The following CUX1 variants were observed in gnomAD, a reference collection of about 807,000 sequenced individuals.
The protein encoded by CUX1 is protein CASP.
CUX1 carries 31 observed loss-of-function variants against 158.8 expected under a neutral mutation model. That is an observed-to-expected ratio of 0.20 (90% confidence interval 0.15 to 0.26). The LOEUF (loss-of-function observed/expected upper bound fraction) is 0.26, where lower values mean the gene tolerates loss of function less well. Ranked by LOEUF, CUX1 falls within the 10% of genes least tolerant of loss-of-function variation. CUX1 has a pLI of 1.00. For missense variants in CUX1, 1,589 were observed against 2,014.6 expected (o/e 0.79, Z 4.04); for synonymous variants, 879 against 862.1 (o/e 1.02, Z -0.34).
intron 2 of CUX1, among the ~76,000 whole-genome samples, chr7:102,014,273 C>T (rs750940437): frequency 1.3e-5 from 2 of 152,140 alleles, no homozygotes; most frequent in Non-Finnish European, 1.5e-5. Flanking sequence ...AAGGGGTACT[C>T]GGTATGGCCA....
At position 102,201,025 on chromosome 7, in the gene CUX1, TAAAAAAAAAAAAAAA is replaced by T. The variant is rs78359248; in HGVS notation, c.2063-320_2063-306del. Among the ~76,000 whole-genome samples the T allele has an allele frequency of 4.0e-4, 17 of 42,142 alleles. No homozygotes were observed. Among genetic ancestry groups the T allele is most frequent in the East Asian group, 8.1e-4 (1 of 1,238 alleles). The allele number at this position is 42,142 out of a possible 152,430, so 27.6% of individuals were successfully genotyped here. ...CTGGACAACAGCGAGATCCTGTCGC[TAAAAAAAAAAAAAAA>T]AAAAAAAAAAAAAATTCTCGGGGAA... On this transcript the variant is annotated intron_variant, in intron 17 of 23. Transcript: ENST00000292535. This position sits in a 1 kb window ranked among gnomAD's most constrained non-coding sequence, Gnocchi z 5.0.
At chr7:102,173,092 G>A (rs1791911262) in intron 10 of CUX1, among the ~76,000 whole-genome samples, 1 of 152,124 alleles carries the variant, frequency 6.6e-6, no homozygotes, top group Non-Finnish European at 1.5e-5. Flanking sequence ...GGGTGTGGTG[G>A]CACACACCTG....
intron 1 of CUX1, among the ~76,000 whole-genome samples, chr7:101,852,660 C>T (rs1418725894): frequency 4.3e-5 from 6 of 139,916 alleles, no homozygotes; most frequent in South Asian, 2.3e-4. Context: ...CTGTTCTCTG[C>T]GTTGGAATTT....
rs558870872 is a variant in CUX1, at chr7:101,843,041, A to AT, written c.30+25378dup. Among the ~76,000 whole-genome samples the AT allele has an allele frequency of 5.9e-3, 890 of 150,854 alleles. 5 individuals are homozygous for AT. The highest frequency in any genetic ancestry group is 8.2e-3 in the Non-Finnish European group (558 of 67,694). Reference sequence around the variant, plus strand: ...CCACCACACCCAGCTAATTTTTTGTATTTTTTAGTACAGACGGAGTTTCAC... The same window carrying AT: ...CCACCACACCCAGCTAATTTTTTGTATTTTTTTAGTACAGACGGAGTTTCAC... On this transcript the variant is annotated intron_variant, in intron 1 of 23. Transcript: ENST00000292535.
intron 2 of CUX1, among the ~76,000 whole-genome samples, chr7:101,933,324 A>G (rs1563027733): frequency 6.6e-6 from 1 of 152,220 alleles, no homozygotes; most frequent in Non-Finnish European, 1.5e-5. Context: ...GAGTTTAAAA[A>G]AAATACAGAG....
chr7:101,976,957 G>C (rs1248938032), intron 2 of CUX1, among the ~76,000 whole-genome samples: 1 of 94,170 alleles, frequency 1.1e-5, no homozygotes, highest in Non-Finnish European at 2.0e-5. Context: ...TTGTTACCCA[G>C]GCTGGAGTGT....
rs955730658 is a variant in CUX1, at chr7:101,916,737, C to G, written c.141+512C>G. The G allele has an allele frequency of 2.6e-5, 4 of 154,452 alleles. No individual in the cohort carries two copies. Among genetic ancestry groups the G allele is most frequent in the African/African-American group, 7.2e-5 (3 of 41,464 alleles). 9.6% of individuals were successfully genotyped at this position (154,452 alleles called of 1,614,324 possible). On this transcript the variant is annotated intron_variant, in intron 2 of 23. Coordinates refer to ENST00000292535, the MANE Select transcript of CUX1 (RefSeq NM_181552.4). This position sits in a 1 kb window ranked among gnomAD's most constrained non-coding sequence, Gnocchi z 4.4. ...CCTGCTAGGCCTTTTAAATGCCTCT[C>G]TGTTTCTTGAAATATGCCGTAAAGG...
chr7:102,088,167 T>A (rs781783900), intron 4 of CUX1, among the ~76,000 whole-genome samples: 1 of 152,098 alleles, frequency 6.6e-6, no homozygotes, highest in Non-Finnish European at 1.5e-5. Flanking sequence ...CTGGCTAATT[T>A]TTGTATTTTT....
chr7:102,041,815 A>C (rs1822143381), intron 3 of CUX1, among the ~76,000 whole-genome samples: 1 of 151,750 alleles, frequency 6.6e-6, no homozygotes, highest in African/African-American at 2.4e-5. Flanking sequence ...CTACAGGTGC[A>C]CACCACTATG....
intron 1 of CUX1, among the ~76,000 whole-genome samples, chr7:101,877,804 T>A (rs1431173411): frequency 7.1e-6 from 1 of 140,322 alleles, no homozygotes; most frequent in East Asian, 2.0e-4. Context: ...GTGTGTGTGT[T>A]TATTAAAGCG....
chr7:102,189,152 G>A (rs1291901954), intron 11 of CUX1, among the ~76,000 whole-genome samples: 3 of 152,134 alleles, frequency 2.0e-5, no homozygotes, highest in Non-Finnish European at 4.4e-5. Flanking sequence ...TGTGTCTCTC[G>A]TTAGTAGAGG....
chr7:101,816,865 C>T (rs2130858129), upstream of CUX1: 1 of 970,944 alleles, frequency 1.0e-6, no homozygotes, highest in South Asian at 4.8e-5. Flanking sequence ...CCCCGGCTGT[C>T]ACCGGCCCGG....
chr7:102,267,820 C>G (rs1790919758), intron 14 of CUX1, among the ~76,000 whole-genome samples: 1 of 152,158 alleles, frequency 6.6e-6, no homozygotes, highest in Non-Finnish European at 1.5e-5. Flanking sequence ...GTGCACACCA[C>G]CATGCCCGGC....
chr7:102,178,661 A>G lies in CUX1; in HGVS notation c.1017+4A>G. The G allele has an allele frequency of 6.2e-7, 1 of 1,603,560 alleles. No homozygotes were observed. The highest frequency in any genetic ancestry group is 1.1e-5 in the South Asian group (1 of 89,896). ...CGCCAAAAACAGCACACTCAAAGTA[A>G]GGGGGCTGCGGGGCCCGGGGGTGGC... On this transcript the variant is annotated splice_donor_region_variant and intron_variant, in intron 11 of 23. Transcript: ENST00000292535.
intron 2 of CUX1, among the ~76,000 whole-genome samples, chr7:101,936,692 C>T (rs1563032404): frequency 1.3e-5 from 2 of 152,112 alleles, no homozygotes; most frequent in Non-Finnish European, 2.9e-5. Context: ...AGGGGGCCAG[C>T]GGAGGAAACT....
intron 5 of CUX1, among the ~76,000 whole-genome samples, chr7:102,102,741 G>A (rs1038421036): frequency 6.6e-6 from 1 of 152,202 alleles, no homozygotes; most frequent in Non-Finnish European, 1.5e-5. Context: ...CCTGCTAAGA[G>A]GTAGATCTGT....
At chr7:101,931,622 A>G (rs1373402523) in intron 2 of CUX1, among the ~76,000 whole-genome samples, 4 of 152,118 alleles carry the variant, frequency 2.6e-5, no homozygotes, top group East Asian at 1.9e-4. Context: ...CTGGAGTGCA[A>G]TGGCACAATC....
chr7:101,872,535 A>AT (rs10715559), intron 1 of CUX1, among the ~76,000 whole-genome samples: 4,089 of 145,044 alleles, frequency 0.028, 169 homozygotes, highest in African/African-American at 0.092. Context: ...GGCTTCTATG[A>AT]TTTTTTTTTT....
chr7:102,205,001 C>T (rs369768320), intron 19 of CUX1, 113 bp from the exon 20 acceptor site: 10 of 745,550 alleles, frequency 1.3e-5, no homozygotes, highest in Middle Eastern at 3.8e-4. Context: ...TCCCCATGCC[C>T]GCCCCTCCCC....
Sources: gnomAD v4.1 joint callset for allele counts (sites outside exome capture counted in the v4.1 genomes callset) on GRCh38, gnomAD v4.1.1 for gene constraint, Gnocchi (gnomAD v3.1) non-coding constraint, MANE v1.5 for transcripts, NCBI Gene and HGNC (gene_info 2026-07-23, HGNC 2026-07-21) for gene names.